SLC2A13: variants seen among roughly 807,000 people sequenced by gnomAD.
The protein encoded by SLC2A13 is proton myo-inositol cotransporter.
In SLC2A13, 32 loss-of-function variants were observed where a neutral mutation model predicts 64.4. That is an observed-to-expected ratio of 0.50 (90% CI 0.37 to 0.67). The LOEUF (loss-of-function observed/expected upper bound fraction) is 0.67. SLC2A13 is among the 30% of genes least tolerant of loss of function. The pLI is 0.00. For synonymous variants in SLC2A13, 338 were observed against 327.1 expected, an observed-to-expected ratio of 1.03 and a Z score of -0.36; for missense variants, 743 against 829.2, an observed-to-expected ratio of 0.90 and a Z score of 1.28.
intron 7 of SLC2A13, chr12:39,829,365 A>G (rs937691227): frequency 2.0e-5 from 3 of 148,194 alleles, no homozygotes; most frequent in Admixed American, 2.0e-4. Flanking sequence ...AAAAAGTTCC[A>G]TAAAAGAATG....
intron 1 of SLC2A13, among the ~76,000 whole-genome samples, chr12:40,085,856 G>A (rs187598801): frequency 5.9e-5 from 9 of 152,004 alleles, no homozygotes; most frequent in Admixed American, 2.0e-4. Flanking sequence ...TTCACGTCCC[G>A]CATTCCTTCT....
At chr12:39,999,011 G>A (rs547923666) in intron 3 of SLC2A13, among the ~76,000 whole-genome samples, 241 of 152,260 alleles carry the variant, frequency 1.6e-3, no homozygotes, top group African/African-American at 5.3e-3. Context: ...AGCTGGAGCC[G>A]CAGCAGAGGA....
chr12:39,965,992 T>C (rs1166278095), intron 3 of SLC2A13, among the ~76,000 whole-genome samples: 1 of 151,996 alleles, frequency 6.6e-6, no homozygotes, highest in Admixed American at 6.6e-5. Flanking sequence ...ACTACACCTA[T>C]GGGATGCGGG....
rs554698890 is a variant in SLC2A13, at chr12:39,970,284, C to T, written c.926-18919G>A. On this transcript the variant is annotated intron_variant, in intron 3 of 9. Coordinates refer to ENST00000280871, the MANE Select transcript of SLC2A13 (RefSeq NM_052885.4). ...CTTAGGATTGACTTGGCAATGCAGGCTCTTTTTTGGTTCCATATGAACTTT... is the reference window on the plus strand; with the variant it reads ...CTTAGGATTGACTTGGCAATGCAGGTTCTTTTTTGGTTCCATATGAACTTT... Among the ~76,000 whole-genome samples the T allele has an allele frequency of 2.0e-5, 3 of 152,274 alleles. No homozygotes were observed. In the South Asian group the frequency reaches 6.2e-4, roughly 32 times the overall value.
At chr12:40,011,908 G>C (rs1348059039) in intron 3 of SLC2A13, among the ~76,000 whole-genome samples, 4 of 152,180 alleles carry the variant, frequency 2.6e-5, no homozygotes, top group African/African-American at 9.7e-5. Context: ...TCTGAGTGCA[G>C]GGCTCTGGGC....
At chr12:39,968,271 G>C (rs1038504417) in intron 3 of SLC2A13, among the ~76,000 whole-genome samples, 14 of 152,056 alleles carry the variant, frequency 9.2e-5, no homozygotes, top group African/African-American at 2.9e-4. Flanking sequence ...TGCGGCGGGA[G>C]AGCCCCTTAT....
At chr12:39,901,243 A>G (rs1272344384) in intron 4 of SLC2A13, among the ~76,000 whole-genome samples, 1 of 152,242 alleles carries the variant, frequency 6.6e-6, no homozygotes, top group South Asian at 2.1e-4. Context: ...AAACCCTAGA[A>G]GAAAACCTAG....
intron 3 of SLC2A13, among the ~76,000 whole-genome samples, chr12:39,970,439 C>A (rs1946625280): frequency 6.6e-6 from 1 of 152,154 alleles, no homozygotes; most frequent in Non-Finnish European, 1.5e-5. Context: ...CATTTCATAT[C>A]CTTAGATGAT....
chr12:39,799,844 A>C (rs1941720234), intron 7 of SLC2A13, among the ~76,000 whole-genome samples: 1 of 152,228 alleles, frequency 6.6e-6, no homozygotes, highest in South Asian at 2.1e-4. Flanking sequence ...CACATGCCTT[A>C]GCAAGAAACT....
chr12:40,058,210 G>A (rs1446968168), intron 1 of SLC2A13, among the ~76,000 whole-genome samples: 1 of 151,842 alleles, frequency 6.6e-6, no homozygotes, highest in African/African-American at 2.4e-5. Flanking sequence ...GTTTTCCCAG[G>A]GTCTTCGATG....
chr12:39,890,946 T>C (rs1262340604), intron 4 of SLC2A13, among the ~76,000 whole-genome samples: 1 of 152,148 alleles, frequency 6.6e-6, no homozygotes, highest in Non-Finnish European at 1.5e-5. Context: ...AAAGTATACA[T>C]ACATGATGCA....
At chr12:40,004,762 CACAA>C (rs1468099738) in intron 3 of SLC2A13, among the ~76,000 whole-genome samples, 6 of 152,150 alleles carry the variant, frequency 3.9e-5, no homozygotes, top group South Asian at 4.1e-4. Flanking sequence ...TTATCAATAA[CACAA>C]ACAGTTGATT....
At chr12:39,938,850 T>C (rs1945968572) in intron 4 of SLC2A13, among the ~76,000 whole-genome samples, 1 of 152,148 alleles carries the variant, frequency 6.6e-6, no homozygotes, top group South Asian at 2.1e-4. Flanking sequence ...ACCCTCTGAA[T>C]TACCCTGCAG....
intron 6 of SLC2A13, among the ~76,000 whole-genome samples, chr12:39,841,492 A>C (rs182151751): frequency 6.6e-6 from 1 of 152,238 alleles, no homozygotes; most frequent in Non-Finnish European, 1.5e-5. Context: ...ATGTTTGATC[A>C]ACATAGTTAA....
intron 4 of SLC2A13, among the ~76,000 whole-genome samples, chr12:39,899,842 G>A (rs560856587): frequency 1.3e-5 from 2 of 152,242 alleles, no homozygotes; most frequent in African/African-American, 4.8e-5. Flanking sequence ...TGTGGTCTGA[G>A]AGACAGTTTG....
chr12:39,899,721 C>T (rs1238247255), intron 4 of SLC2A13, among the ~76,000 whole-genome samples: 3 of 151,968 alleles, frequency 2.0e-5, no homozygotes, highest in Non-Finnish European at 4.4e-5. Context: ...TTTATTTCTG[C>T]CTTCATTTAT....
intron 3 of SLC2A13, among the ~76,000 whole-genome samples, chr12:39,981,111 G>A (rs1946884824): frequency 6.6e-6 from 1 of 151,614 alleles, no homozygotes; most frequent in African/African-American, 2.4e-5. Context: ...AAATAAAGAT[G>A]TTCTTTGAAA....
chr12:39,923,136 C>A (rs1210115300), intron 4 of SLC2A13, among the ~76,000 whole-genome samples: 2 of 151,968 alleles, frequency 1.3e-5, no homozygotes, highest in Non-Finnish European at 2.9e-5. Flanking sequence ...TATCACTGTC[C>A]TCAAAAATTG....
chr12:39,820,684 A>G (rs1223895503), intron 7 of SLC2A13, among the ~76,000 whole-genome samples: 1 of 80,248 alleles, frequency 1.2e-5, no homozygotes, highest in Non-Finnish European at 2.5e-5. Flanking sequence ...GTGACCTAGC[A>G]GCATGTATAA....
Sources: gnomAD v4.1 joint callset for allele counts (sites outside exome capture counted in the v4.1 genomes callset) on GRCh38, gnomAD v4.1.1 for gene constraint, MANE v1.5 for transcripts, NCBI Gene and HGNC (gene_info 2026-07-23, HGNC 2026-07-21) for gene names.